Variants in ATRNL1 observed in about 807,000 individuals in gnomAD.
ATRNL1 encodes the protein attractin like 1.
ATRNL1 carries 95 observed loss-of-function variants against 182.7 expected under a neutral mutation model. The ratio of observed to expected loss-of-function variants is 0.52; its 90% confidence interval spans 0.44 to 0.62. The LOEUF is 0.62. Among genes scored for constraint, ATRNL1 ranks in the 20% least tolerant of loss-of-function variants. ATRNL1 has a pLI of 0.00. For synonymous variants in ATRNL1, 576 were observed against 568.3 expected (o/e 1.01, Z -0.19); for missense variants, 1,471 against 1,679.5 (o/e 0.88, Z 2.17).
At position 115,611,123 on chromosome 10, in the gene ATRNL1, T is replaced by G. The variant is rs1474867508; in HGVS notation, c.3795+61587T>G. On this transcript the variant is annotated intron_variant, in intron 26 of 28. Coordinates refer to ENST00000355044, the MANE Select transcript of ATRNL1 (RefSeq NM_207303.4). ...CAGCTTAAAATGGAACTGATTGGAT[T>G]GAACATTTGTATACCTCTGTGGGTA... 3.9e-5 allele frequency among the ~76,000 whole-genome samples: 6 copies of G among 152,006 alleles called. 1 individual carries two copies. Among genetic ancestry groups the G allele is most frequent in the Non-Finnish European group, 8.8e-5 (6 of 67,950 alleles).
Position 115,781,174 on chromosome 10 carries a change from G to A in ATRNL1, c.3903+53819G>A, listed in dbSNP as rs531666798. Among the ~76,000 whole-genome samples the A allele has an allele frequency of 3.9e-5, 6 of 152,258 alleles. No individual in the cohort carries two copies. In the South Asian group the frequency reaches 1.2e-3, roughly 32 times the overall value. ...ATGCAATGCCATTACATATCCACAAGAAAGGCTAAAATTAAAGACAAGCAT... is the reference window on the plus strand; with the variant it reads ...ATGCAATGCCATTACATATCCACAAAAAAGGCTAAAATTAAAGACAAGCAT... On this transcript the variant is annotated intron_variant, in intron 27 of 28. Coordinates refer to ENST00000355044, the MANE Select transcript of ATRNL1 (RefSeq NM_207303.4).
At chr10:115,235,736 G>A (rs567040505) in intron 9 of ATRNL1, among the ~76,000 whole-genome samples, 1 of 152,000 alleles carries the variant, frequency 6.6e-6, no homozygotes, top group Non-Finnish European at 1.5e-5. Context: ...GGTAAAAGTG[G>A]TATATTTTAG....
At chr10:115,187,673 T>G (rs1230885091) in intron 8 of ATRNL1, among the ~76,000 whole-genome samples, 3 of 148,688 alleles carry the variant, frequency 2.0e-5, no homozygotes, top group Non-Finnish European at 4.5e-5. Context: ...GTGCTTGGTT[T>G]TTTTTTTTTT....
rs1848174640 is a variant in ATRNL1, at chr10:115,191,688, C to T, written c.1348+20396C>T. Reference sequence around the variant, plus strand: ...AGATCTGATGGTTTTATAAGTATTTCATAGTTCCTCCTGTGTTCATTATCC... The same window carrying T: ...AGATCTGATGGTTTTATAAGTATTTTATAGTTCCTCCTGTGTTCATTATCC... On this transcript the variant is annotated intron_variant, in intron 8 of 28. Transcript: ENST00000355044. 3.3e-5 allele frequency among the ~76,000 whole-genome samples: 5 copies of T among 152,102 alleles called. No homozygotes were observed. In the South Asian group the frequency reaches 1.0e-3, roughly 32 times the overall value.
At chr10:115,270,306 T>C (rs1851793591) in intron 13 of ATRNL1, among the ~76,000 whole-genome samples, 1 of 142,604 alleles carries the variant, frequency 7.0e-6, no homozygotes, top group Non-Finnish European at 1.5e-5. Flanking sequence ...TATATTTGTT[T>C]ATATATTATA....
At chr10:115,500,899 T>C (rs1554979955) in intron 24 of ATRNL1, among the ~76,000 whole-genome samples, 1 of 145,720 alleles carries the variant, frequency 6.9e-6, no homozygotes, top group African/African-American at 2.5e-5. Flanking sequence ...CTTTGTTTCA[T>C]AGCAGAAATT....
intron 19 of ATRNL1, among the ~76,000 whole-genome samples, chr10:115,352,274 T>A (rs1173901387): frequency 1.3e-5 from 2 of 151,984 alleles, no homozygotes; most frequent in African/African-American, 4.8e-5. Context: ...TGTTGATCTT[T>A]TATATATATT....
At chr10:115,482,896 G>A (rs1430701222) in intron 24 of ATRNL1, among the ~76,000 whole-genome samples, 4 of 151,138 alleles carry the variant, frequency 2.6e-5, no homozygotes, top group African/African-American at 4.8e-5. Context: ...TGAATAATTC[G>A]TTTACATATT....
intron 18 of ATRNL1, among the ~76,000 whole-genome samples, chr10:115,332,151 A>G (rs1026330610): frequency 2.6e-5 from 4 of 152,182 alleles, no homozygotes; most frequent in Non-Finnish European, 5.9e-5. Flanking sequence ...CATAATGCCT[A>G]TCTCCGGCTT....
At chr10:115,331,960 C>T (rs1490320886) in intron 18 of ATRNL1, among the ~76,000 whole-genome samples, 4 of 152,134 alleles carry the variant, frequency 2.6e-5, no homozygotes, top group Non-Finnish European at 5.9e-5. Context: ...TGTGGTGGGG[C>T]ATCCTCTCTG....
intron 24 of ATRNL1, among the ~76,000 whole-genome samples, chr10:115,509,882 T>A (rs75974103): frequency 0.034 from 5,133 of 152,114 alleles, 127 homozygotes; most frequent in Non-Finnish European, 0.051. Flanking sequence ...CTGGAAAGAA[T>A]TCATCATTCT....
intron 7 of ATRNL1, among the ~76,000 whole-genome samples, chr10:115,167,330 G>A (rs1430038874): frequency 6.6e-6 from 1 of 151,934 alleles, no homozygotes; most frequent in African/African-American, 2.4e-5. Context: ...AAGTTAAGAA[G>A]TGTGATACTT....
intron 3 of ATRNL1, among the ~76,000 whole-genome samples, chr10:115,125,818 G>A (rs144722499): frequency 2.7e-4 from 41 of 152,002 alleles, no homozygotes; most frequent in African/African-American, 9.7e-4. Context: ...TTACCACCGA[G>A]TTTTTTTTAG....
intron 26 of ATRNL1, among the ~76,000 whole-genome samples, chr10:115,688,992 G>T (rs1357676905): frequency 1.3e-5 from 2 of 151,998 alleles, no homozygotes; most frequent in African/African-American, 4.8e-5. Context: ...GAGAGATAGG[G>T]GTCCGAGTTT....
Position 115,209,422 on chromosome 10 carries a change from G to GTT in ATRNL1, c.1349-6263_1349-6262dup, listed in dbSNP as rs76528860. ...GTATCCATAAAGCATTTTTTATTTT[G>GTT]TTTTTTTTTTTTTCTGGTTTCTGAG... On this transcript the variant is annotated intron_variant, in intron 8 of 28. Coordinates refer to ENST00000355044, the MANE Select transcript of ATRNL1 (RefSeq NM_207303.4). Among the ~76,000 whole-genome samples the GTT allele has an allele frequency of 2.9e-4, 35 of 119,270 alleles. No individual in the cohort carries two copies. The East Asian group carries it at 4.0e-3, about 14-fold the overall frequency. 78.2% of individuals were successfully genotyped at this position (119,270 alleles called of 152,430 possible).
chr10:115,847,574 T>C (rs1950958988), intron 27 of ATRNL1, among the ~76,000 whole-genome samples: 1 of 152,150 alleles, frequency 6.6e-6, no homozygotes, highest in African/African-American at 2.4e-5. Context: ...GATCACTTAA[T>C]TAGATAAACT....
chr10:115,376,529 T>G (rs1592554697), intron 19 of ATRNL1, among the ~76,000 whole-genome samples: 1 of 152,254 alleles, frequency 6.6e-6, no homozygotes, highest in East Asian at 1.9e-4. Flanking sequence ...CAGTTAATTT[T>G]TTTAGTTTTT....
At chr10:115,813,428 T>C (rs1166850742) in intron 27 of ATRNL1, among the ~76,000 whole-genome samples, 1 of 152,192 alleles carries the variant, frequency 6.6e-6, no homozygotes, top group Non-Finnish European at 1.5e-5. Flanking sequence ...AGCATGTCCA[T>C]AAGTTTAGAA....
chr10:115,549,816 A>C (rs1453608603), intron 26 of ATRNL1, among the ~76,000 whole-genome samples: 2 of 152,008 alleles, frequency 1.3e-5, no homozygotes, highest in Non-Finnish European at 2.9e-5. Context: ...AAAATTTTGT[A>C]ATATATTTAA....
Sources: gnomAD v4.1 joint callset for allele counts (sites outside exome capture counted in the v4.1 genomes callset) on GRCh38, gnomAD v4.1.1 for gene constraint, MANE v1.5 for transcripts, NCBI Gene and HGNC (gene_info 2026-07-23, HGNC 2026-07-21) for gene names.